FHIT: variants seen among roughly 807,000 people sequenced by gnomAD.
The protein encoded by FHIT is fragile histidine triad diadenosine triphosphatase, also known as bis(5'-adenosyl)-triphosphatase.
FHIT carries 19 observed loss-of-function variants against 17.9 expected under a neutral mutation model. The ratio of observed to expected loss-of-function variants is 1.06; its 90% CI spans 0.74 to 1.56. The LOEUF (loss-of-function observed/expected upper bound fraction) is 1.56, where lower values mean the gene tolerates loss of function less well. FHIT is among the 40% of genes most tolerant of loss of function. FHIT has a pLI of 0.00. For synonymous variants in FHIT, 81 were observed against 69.7 expected (o/e 1.16, Z -0.81); for missense variants, 248 against 189.2 (o/e 1.31, Z -1.82).
In FHIT at chr3:59,942,028, G is replaced by C. The variant is rs188411776; in HGVS notation, c.280-19614C>G. On this transcript the variant is annotated intron_variant, in intron 7 of 9. Coordinates refer to ENST00000492590, the MANE Select transcript of FHIT (RefSeq NM_002012.4). Reference sequence around the variant, plus strand: ...TCAGTAAAATCTTCTAAAGCCCTGAGAACTGGAATCATCTCACGATCTATA... The same window carrying C: ...TCAGTAAAATCTTCTAAAGCCCTGACAACTGGAATCATCTCACGATCTATA... 2.0e-5 allele frequency among the ~76,000 whole-genome samples: 3 copies of C among 152,154 alleles called. No homozygotes were observed. In the South Asian group the frequency reaches 6.2e-4, roughly 32 times the overall value.
At chr3:59,942,974 G>A (rs1015814615) in intron 7 of FHIT, among the ~76,000 whole-genome samples, 3 of 152,082 alleles carry the variant, frequency 2.0e-5, no homozygotes, top group African/African-American at 7.2e-5. Flanking sequence ...GGAGTCTCTA[G>A]GTTGTTCTGC....
intron 4 of FHIT, chr3:60,732,073 T>C (rs535931360): frequency 3.5e-6 from 2 of 569,228 alleles, no homozygotes; most frequent in Non-Finnish European, 6.3e-6. Context: ...TGCGAGCAAA[T>C]GGGGTGGAGG....
chr3:59,992,240 G>C (rs923292921), intron 7 of FHIT, among the ~76,000 whole-genome samples: 2 of 152,022 alleles, frequency 1.3e-5, no homozygotes, highest in African/African-American at 4.8e-5. Flanking sequence ...CAAATGAGAA[G>C]TGACCTGCCA....
At chr3:60,486,726 A>G (rs976172790) in intron 5 of FHIT, among the ~76,000 whole-genome samples, 1 of 152,192 alleles carries the variant, frequency 6.6e-6, no homozygotes, top group Non-Finnish European at 1.5e-5. Context: ...ACTTCTCCTT[A>G]TCAAAAAGAC....
rs1576181752 is a variant in FHIT, at chr3:60,137,632, T to C, written c.104-123480A>G. Among the ~76,000 whole-genome samples, 5 of 152,284 alleles carry C rather than the reference T, an allele frequency of 3.3e-5. 1 individual carries two copies. In the South Asian group the frequency reaches 1.0e-3, roughly 32 times the overall value. ...ACAAAGCTTGTCAGGCATGATGTCC[T>C]TGTAGGCAACAATACCTGAAACTCT... On this transcript the variant is annotated intron_variant, in intron 5 of 9. Coordinates refer to ENST00000492590, the MANE Select transcript of FHIT (RefSeq NM_002012.4).
At chr3:60,690,649 A>G (rs1239476186) in intron 4 of FHIT, 4 of 513,844 alleles carry the variant, frequency 7.8e-6, no homozygotes, top group Non-Finnish European at 1.2e-5. Flanking sequence ...GTCTGCAAAC[A>G]GCTCGAAGGA....
Position 60,706,085 on chromosome 3 carries a change from G to C in FHIT, c.-18+115834C>G, listed in dbSNP as rs574085197. Among the ~76,000 whole-genome samples, 10 of 152,058 alleles carry C rather than the reference G, an allele frequency of 6.6e-5. 1 individual carries two copies. In the South Asian group the frequency reaches 2.1e-3, roughly 32 times the overall value. ...TAGGATATTATCATAATTATAATAA[G>C]AGACGGCACTACATGGATGAAGCTG... On this transcript the variant is annotated intron_variant, in intron 4 of 9. Transcript: ENST00000492590.
intron 5 of FHIT, among the ~76,000 whole-genome samples, chr3:60,519,048 T>C (rs1193276945): frequency 6.6e-6 from 1 of 152,186 alleles, no homozygotes; most frequent in East Asian, 1.9e-4. Context: ...CAGAAAAATG[T>C]CAACAATGAA....
chr3:60,132,163 C>T (rs1696283504), intron 5 of FHIT, among the ~76,000 whole-genome samples: 1 of 152,144 alleles, frequency 6.6e-6, no homozygotes, highest in African/African-American at 2.4e-5. Flanking sequence ...TGACCCAAGC[C>T]CATTATTCTC....
chr3:61,214,332 C>T (rs1441117896), intron 1 of FHIT, among the ~76,000 whole-genome samples: 2 of 152,126 alleles, frequency 1.3e-5, no homozygotes, highest in Non-Finnish European at 2.9e-5. Context: ...GATATCACCA[C>T]CAATCCCATA....
intron 4 of FHIT, among the ~76,000 whole-genome samples, chr3:60,778,253 G>T (rs187001803): frequency 6.6e-6 from 1 of 152,148 alleles, no homozygotes; most frequent in African/African-American, 2.4e-5. Flanking sequence ...TTTGTCAGTC[G>T]TGTTTCTAAT....
At chr3:60,868,259 A>G (rs1553754271) in intron 3 of FHIT, among the ~76,000 whole-genome samples, 1 of 152,084 alleles carries the variant, frequency 6.6e-6, no homozygotes, top group African/African-American at 2.4e-5. Flanking sequence ...ACAGTATTTC[A>G]TAACCTCTAA....
At chr3:61,160,564 G>A (rs1038538091) in intron 2 of FHIT, among the ~76,000 whole-genome samples, 3 of 152,132 alleles carry the variant, frequency 2.0e-5, no homozygotes, top group African/African-American at 7.2e-5. Context: ...ACATACAGTG[G>A]AAGAGATAAG....
At chr3:61,021,004 C>T (rs928412998) in intron 3 of FHIT, among the ~76,000 whole-genome samples, 2 of 151,978 alleles carry the variant, frequency 1.3e-5, no homozygotes, top group Non-Finnish European at 2.9e-5. Flanking sequence ...ATATATGCAC[C>T]CAATACAGGA....
chr3:61,121,407 C>G (rs1326275214), intron 2 of FHIT, among the ~76,000 whole-genome samples: 3 of 152,156 alleles, frequency 2.0e-5, no homozygotes, highest in African/African-American at 7.2e-5. Flanking sequence ...TGCAGAAACC[C>G]TACAAGCCAG....
At chr3:59,764,381 A>G (rs1292875828) in intron 8 of FHIT, among the ~76,000 whole-genome samples, 1 of 152,166 alleles carries the variant, frequency 6.6e-6, no homozygotes, top group Non-Finnish European at 1.5e-5. Context: ...CTATATTCCA[A>G]CGGTACTCAC....
intron 5 of FHIT, among the ~76,000 whole-genome samples, chr3:60,026,096 T>C (rs1412529593): frequency 6.6e-6 from 1 of 152,128 alleles, no homozygotes; most frequent in Non-Finnish European, 1.5e-5. Flanking sequence ...CAGGGGAGGC[T>C]GGGGCATTTT....
chr3:60,325,608 A>G (rs1333565855), intron 5 of FHIT, among the ~76,000 whole-genome samples: 2 of 152,214 alleles, frequency 1.3e-5, no homozygotes, highest in East Asian at 3.8e-4. Context: ...TACATTTTTA[A>G]TCTAACAGGT....
intron 5 of FHIT, among the ~76,000 whole-genome samples, chr3:60,354,150 T>A (rs1699545170): frequency 6.6e-6 from 1 of 152,150 alleles, no homozygotes; most frequent in Non-Finnish European, 1.5e-5. Flanking sequence ...GACATGCTTG[T>A]AACATATTAA....
Sources: allele counts gnomAD v4.1 joint callset (sites outside exome capture counted in the v4.1 genomes callset), GRCh38; gene constraint gnomAD v4.1.1; transcripts MANE v1.5; gene names NCBI Gene and HGNC (gene_info 2026-07-23, HGNC 2026-07-21).